The following PDPK1 variants were observed in gnomAD, a reference collection of about 807,000 sequenced individuals.
PDPK1 encodes the protein 3-phosphoinositide-dependent protein kinase 1.
Under a neutral mutation model 39.8 loss-of-function variants are expected in PDPK1, and 7 were observed. The ratio of observed to expected loss-of-function variants is 0.18; its 90% CI spans 0.10 to 0.33. The LOEUF is 0.33. PDPK1 is among the 10% of genes least tolerant of loss of function. PDPK1 has a pLI of 1.00. For synonymous variants in PDPK1, 118 were observed against 159.1 expected (o/e 0.74, Z 1.95); for missense variants, 182 against 384.7 (o/e 0.47, Z 4.41).
chr16:2,544,913 T>G (rs560107248), intron 1 of PDPK1, among the ~76,000 whole-genome samples: 5 of 152,066 alleles, frequency 3.3e-5, no homozygotes, highest in Admixed American at 2.6e-4. Flanking sequence ...TTTTTATTAT[T>G]TGAAAGTAAG....
At chr16:2,586,574 C>T (rs915219322) in intron 10 of PDPK1, 102 bp from the exon 11 acceptor site, 24 of 974,382 alleles carry the variant, frequency 2.5e-5, no homozygotes, top group African/African-American at 6.4e-5. Context: ...TTGCTGTGTG[C>T]GAGCTCCCAA....
At chr16:2,545,332 C>G (rs1336957745) in intron 1 of PDPK1, among the ~76,000 whole-genome samples, 4 of 151,580 alleles carry the variant, frequency 2.6e-5, no homozygotes, top group African/African-American at 7.3e-5. Flanking sequence ...CTTTCTTTCT[C>G]TCTCTTTTTT....
intron 10 of PDPK1, among the ~76,000 whole-genome samples, chr16:2,585,421 T>C (rs555606406): frequency 6.6e-6 from 1 of 152,304 alleles, no homozygotes; most frequent in African/African-American, 2.4e-5. Flanking sequence ...TTCAGGGCTG[T>C]ACCTCCTCCC....
At chr16:2,539,811 C>G (rs375783075) in intron 1 of PDPK1, among the ~76,000 whole-genome samples, 2 of 152,148 alleles carry the variant, frequency 1.3e-5, no homozygotes, top group Non-Finnish European at 2.9e-5. Flanking sequence ...TAACGCTGTT[C>G]CAATGCAAGG....
intron 1 of PDPK1, among the ~76,000 whole-genome samples, chr16:2,545,640 G>A (rs779292324): frequency 2.0e-5 from 3 of 151,862 alleles, no homozygotes; most frequent in East Asian, 1.9e-4. Context: ...GATTACAGGC[G>A]CCCACCGCCA....
chr16:2,592,906 G>A (rs1053793094), intron 11 of PDPK1: 2 of 456,530 alleles, frequency 4.4e-6, no homozygotes, highest in Non-Finnish European at 8.8e-6. Flanking sequence ...TGTCCGTGGG[G>A]CCCTTGCCTG....
intron 12 of PDPK1, among the ~76,000 whole-genome samples, chr16:2,596,309 A>G (rs962149309): frequency 1.3e-5 from 2 of 152,166 alleles, no homozygotes; most frequent in African/African-American, 4.8e-5. Context: ...CTCCTGCCTC[A>G]GCCTCCTGAG....
intron 1 of PDPK1, among the ~76,000 whole-genome samples, chr16:2,544,966 T>G (rs996596794): frequency 2.1e-4 from 32 of 151,830 alleles, no homozygotes; most frequent in Non-Finnish European, 1.5e-5. Context: ...CTTCTCCAGA[T>G]GCCTTCTGAG....
intron 12 of PDPK1, among the ~76,000 whole-genome samples, chr16:2,596,175 A>G (rs1446119618): frequency 2.0e-5 from 3 of 152,166 alleles, no homozygotes; most frequent in African/African-American, 4.8e-5. Flanking sequence ...AAGTGTTTCA[A>G]AACCATTTAA....
rs1597083668 is a variant in PDPK1, at chr16:2,600,245, T to C, written c.*2478T>C. ...TTACGTGGAATTACAGTTGTGGGTT[T>C]ATCCAAGATGAGGAAGATTTCACCT... On this transcript the variant is annotated 3_prime_UTR_variant, in exon 14 of 14. Coordinates refer to ENST00000342085, the MANE Select transcript of PDPK1 (RefSeq NM_002613.5). 4.3e-6 allele frequency: 1 copy of C among 233,478 alleles called. No individual in the cohort carries two copies. The highest frequency in any genetic ancestry group is 6.0e-5 in the East Asian group (1 of 16,598). 14.5% of individuals were successfully genotyped at this position (233,478 alleles called of 1,614,324 possible).
chr16:2,584,848 C>G (rs1164364484), intron 10 of PDPK1, among the ~76,000 whole-genome samples: 1 of 152,208 alleles, frequency 6.6e-6, no homozygotes, highest in Non-Finnish European at 1.5e-5. Context: ...CCACCTGCAG[C>G]TTTCATGTAT....
Position 2,600,168 on chromosome 16 carries a change from G to A in PDPK1, c.*2401G>A, listed in dbSNP as rs1167658257. 9 of 233,128 alleles carry A rather than the reference G, an allele frequency of 3.9e-5. No homozygotes were observed. Among genetic ancestry groups the A allele is most frequent in the South Asian group, 1.8e-4 (1 of 5,524 alleles). The allele number at this position is 233,128 out of a possible 1,614,324, so 14.4% of individuals were successfully genotyped here. ...TAGAGCCATCACCTGGCACGCAGGC[G>A]CCTTACATTCTACGGTAGAACGTGG... is the stretch of plus-strand genomic sequence containing the variant. On this transcript the variant is annotated 3_prime_UTR_variant, in exon 14 of 14. Coordinates refer to ENST00000342085, the MANE Select transcript of PDPK1 (RefSeq NM_002613.5).
intron 10 of PDPK1, among the ~76,000 whole-genome samples, chr16:2,584,986 T>G (rs1191237264): frequency 6.6e-6 from 1 of 152,222 alleles, no homozygotes; most frequent in Non-Finnish European, 1.5e-5. Flanking sequence ...GGCCTGCTGT[T>G]GCTGCAGAGG....
intron 6 of PDPK1, chr16:2,576,762 C>A: frequency 6.0e-6 from 1 of 167,082 alleles, no homozygotes. Flanking sequence ...AGCCACCGCA[C>A]CTGGGCAGTC....
intron 1 of PDPK1, among the ~76,000 whole-genome samples, chr16:2,542,143 G>A (rs1161632544): frequency 6.6e-6 from 1 of 152,250 alleles, no homozygotes; most frequent in Admixed American, 6.5e-5. Flanking sequence ...AAGAGCACCT[G>A]ATTCTGGTTT....
chr16:2,585,139 G>C (rs1454119270), intron 10 of PDPK1, among the ~76,000 whole-genome samples: 1 of 152,204 alleles, frequency 6.6e-6, no homozygotes, highest in Non-Finnish European at 1.5e-5. Context: ...TGAGTGTGGG[G>C]GTGTGTGTGC....
chr16:2,558,345 AAGTT>A (rs1238113296), intron 2 of PDPK1, among the ~76,000 whole-genome samples: 2 of 149,022 alleles, frequency 1.3e-5, no homozygotes, highest in Non-Finnish European at 3.0e-5. Flanking sequence ...CTTAGATTGA[AAGTT>A]AGTATCTCTC....
chr16:2,602,557 C>T lies in PDPK1; in HGVS notation c.*4790C>T, dbSNP rs778213681. On this transcript the variant is annotated 3_prime_UTR_variant, in exon 14 of 14. Transcript: ENST00000342085. Reference sequence around the variant, plus strand: ...GCCTAACCACCTGGCAGAATGACTACGAATAGGGGTCATTGTGCTGGTAAA... The same window carrying T: ...GCCTAACCACCTGGCAGAATGACTATGAATAGGGGTCATTGTGCTGGTAAA... The T allele has an allele frequency of 4.3e-6, 1 of 234,692 alleles. No homozygotes were observed. Among genetic ancestry groups the T allele is most frequent in the African/African-American group, 2.2e-5 (1 of 45,304 alleles). The allele number at this position is 234,692 out of a possible 1,614,324, so 14.5% of individuals were successfully genotyped here.
chr16:2,603,009 A>T lies in PDPK1; in HGVS notation c.*5242A>T, dbSNP rs1170900951. 53 of 229,558 alleles carry T rather than the reference A, an allele frequency of 2.3e-4. No individual in the cohort carries two copies. The highest frequency in any genetic ancestry group is 5.7e-5 in the Admixed American group (1 of 17,656). The allele number at this position is 229,558 out of a possible 1,614,324, so 14.2% of individuals were successfully genotyped here. A position where few individuals can be genotyped will look rare whatever the true frequency, so the allele number is the denominator to read the frequency against. The stretch of plus-strand genomic sequence containing the variant: ...ATAATTATTGTAAACTATATTTTAC[A>T]ACTTTTTTTCTGGCTTTATTATATA... On this transcript the variant is annotated 3_prime_UTR_variant, in exon 14 of 14. Coordinates refer to ENST00000342085, the MANE Select transcript of PDPK1 (RefSeq NM_002613.5).
Sources: allele counts gnomAD v4.1 joint callset (sites outside exome capture counted in the v4.1 genomes callset), GRCh38; gene constraint gnomAD v4.1.1; transcripts MANE v1.5; gene names NCBI Gene and HGNC (gene_info 2026-07-23, HGNC 2026-07-21).